The following TBL1XR1 variants were observed in gnomAD, a reference collection of about 807,000 sequenced individuals.
TBL1XR1 encodes the protein F-box-like/WD repeat-containing protein TBL1XR1.
Under a neutral mutation model 66.9 loss-of-function variants are expected in TBL1XR1, and 5 were observed. The observed-to-expected ratio is 0.07, with a 90% confidence interval of 0.04 to 0.16. TBL1XR1 has a LOEUF of 0.16. Ranked by LOEUF, TBL1XR1 falls within the 10% of genes least tolerant of loss-of-function variation. The pLI, the probability that TBL1XR1 is intolerant of heterozygous loss-of-function variation, is 1.00. For synonymous variants in TBL1XR1, 210 were observed against 206.0 expected, an observed-to-expected ratio of 1.02 and a Z score of -0.17; for missense variants, 238 against 623.2, an observed-to-expected ratio of 0.38 and a Z score of 6.58.
At chr3:177,168,098 T>C (rs927828879) in intron 1 of TBL1XR1, among the ~76,000 whole-genome samples, 4 of 152,136 alleles carry the variant, frequency 2.6e-5, no homozygotes, top group South Asian at 2.1e-4. Context: ...ATGAGATAAA[T>C]ATATAAACAA....
At chr3:177,084,480 A>C (rs1474147953) in intron 2 of TBL1XR1, among the ~76,000 whole-genome samples, 1 of 152,278 alleles carries the variant, frequency 6.6e-6, no homozygotes, top group Non-Finnish European at 1.5e-5. Flanking sequence ...TGCTGCAGAC[A>C]TCGATGCCTT....
intron 1 of TBL1XR1, among the ~76,000 whole-genome samples, chr3:177,119,666 C>T (rs1281270060): frequency 1.3e-5 from 2 of 152,180 alleles, no homozygotes; most frequent in African/African-American, 4.8e-5. Context: ...ACACCAATTA[C>T]CAATTTTGCA....
intron 1 of TBL1XR1, among the ~76,000 whole-genome samples, chr3:177,151,650 T>G (rs1730903652): frequency 6.6e-6 from 1 of 152,296 alleles, no homozygotes; most frequent in Non-Finnish European, 1.5e-5. Context: ...AGGCTGAGTG[T>G]GAAATCAGCT....
chr3:177,177,709 C>G (rs1406777070), intron 1 of TBL1XR1, among the ~76,000 whole-genome samples: 1 of 152,136 alleles, frequency 6.6e-6, no homozygotes, highest in Non-Finnish European at 1.5e-5. Context: ...TAAGGATGAA[C>G]CAATTTAAGA....
At chr3:177,129,484 A>C (rs1429546752) in intron 1 of TBL1XR1, among the ~76,000 whole-genome samples, 1 of 152,202 alleles carries the variant, frequency 6.6e-6, no homozygotes, top group Non-Finnish European at 1.5e-5. Flanking sequence ...TGCTGAGAAA[A>C]ACAAGCCATA....
At chr3:177,070,249 C>G (rs1719792870) in intron 2 of TBL1XR1, among the ~76,000 whole-genome samples, 1 of 152,158 alleles carries the variant, frequency 6.6e-6, no homozygotes, top group East Asian at 1.9e-4. Flanking sequence ...GCCTCATTGC[C>G]CACAGACATT....
chr3:177,157,593 T>C (rs997310733), intron 1 of TBL1XR1, among the ~76,000 whole-genome samples: 14 of 152,214 alleles, frequency 9.2e-5, no homozygotes, highest in African/African-American at 2.7e-4. Flanking sequence ...CTTAATCACA[T>C]GTGTAAAATG....
intron 2 of TBL1XR1, among the ~76,000 whole-genome samples, chr3:177,071,410 G>A (rs1449958196): frequency 1.3e-5 from 2 of 151,930 alleles, no homozygotes; most frequent in African/African-American, 4.8e-5. Context: ...AAGAAGATGT[G>A]GTTATTCCTT....
intron 1 of TBL1XR1, among the ~76,000 whole-genome samples, chr3:177,121,755 A>C (rs1035829044): frequency 6.6e-6 from 1 of 152,138 alleles, no homozygotes; most frequent in African/African-American, 2.4e-5. Context: ...GTTCCTTGTG[A>C]GGTTTACAGA....
At chr3:177,056,847 T>C (rs1287428722) in intron 3 of TBL1XR1, among the ~76,000 whole-genome samples, 1 of 152,174 alleles carries the variant, frequency 6.6e-6, no homozygotes, top group Non-Finnish European at 1.5e-5. Context: ...CTCATCACCT[T>C]ACCTTTTCTG....
intron 1 of TBL1XR1, among the ~76,000 whole-genome samples, chr3:177,193,780 T>A (rs1736468997): frequency 6.6e-6 from 1 of 152,148 alleles, no homozygotes; most frequent in Admixed American, 6.5e-5. Flanking sequence ...GGATCAAGAC[T>A]AACAAAACAG....
At position 177,177,550 on chromosome 3, in the gene TBL1XR1, G is replaced by GT. The variant is rs568455684; in HGVS notation, c.-122+19570dup. On this transcript the variant is annotated intron_variant, in intron 1 of 15. Coordinates refer to ENST00000457928, the MANE Select transcript of TBL1XR1 (RefSeq NM_024665.7). ...TGGTCCATCAATTATCCATTTACCC[G>GT]TTTTTTCTATTATTTGACTCGATTG... 2.2e-3 allele frequency among the ~76,000 whole-genome samples: 328 copies of GT among 152,258 alleles called. 2 individuals carry two copies. The highest frequency in any genetic ancestry group is 0.014 in the East Asian group (72 of 5,192).
rs2108863143 is a variant in TBL1XR1, at chr3:177,154,055, A to AT, written c.-122+43065dup. Among the ~76,000 whole-genome samples the AT allele has an allele frequency of 1.3e-5, 2 of 152,088 alleles. 1 individual carries two copies. Among genetic ancestry groups the AT allele is most frequent in the South Asian group, 4.1e-4 (2 of 4,824 alleles). On this transcript the variant is annotated intron_variant, in intron 1 of 15. Coordinates refer to ENST00000457928, the MANE Select transcript of TBL1XR1 (RefSeq NM_024665.7). ...ACAAATATGGTATAAATTCAACCACATTAATAATTATGTTAAATGCAAATT... is the reference window on the plus strand; with the variant it reads ...ACAAATATGGTATAAATTCAACCACATTTAATAATTATGTTAAATGCAAATT...
At chr3:177,160,102 T>C (rs943149566) in intron 1 of TBL1XR1, among the ~76,000 whole-genome samples, 1 of 152,068 alleles carries the variant, frequency 6.6e-6, no homozygotes, top group African/African-American at 2.4e-5. Flanking sequence ...ATAATAGTAC[T>C]TTCTCAAGAA....
rs758826797 is a variant in TBL1XR1 at position 177,050,580 on chromosome 3, C to T, written c.458G>A (p.Gly153Glu). The T allele has an allele frequency of 6.2e-7, 1 of 1,613,750 alleles. No individual in the cohort carries two copies. Among genetic ancestry groups the T allele is most frequent in the Non-Finnish European group, 8.5e-7 (1 of 1,179,798 alleles). The change falls in exon 6 of 16, where the codon GGG becomes GAG. Residue 153 changes from glycine to glutamate, a missense_variant. By Grantham distance (98) the Gly-to-Glu change is moderately conservative. This residue lies in a region of TBL1XR1 where 80 missense variants were observed against 100.5 expected (regional missense o/e 0.80). Coordinates refer to ENST00000457928, the MANE Select transcript of TBL1XR1 (RefSeq NM_024665.7). Reference sequence around the variant, plus strand: ...TTTATTAGGAGGGATTTCAACATCCCCATCCACTTCCATCATATCAGTATG... The same window carrying T: ...TTTATTAGGAGGGATTTCAACATCCTCATCCACTTCCATCATATCAGTATG... ...NNHTDMMEVDGDVEIPPNKAV... is the reference protein window; with the variant it reads ...NNHTDMMEVDEDVEIPPNKAV...
intron 2 of TBL1XR1, among the ~76,000 whole-genome samples, chr3:177,091,818 T>C (rs1722876064): frequency 6.6e-6 from 1 of 152,208 alleles, no homozygotes; most frequent in Admixed American, 6.5e-5. Flanking sequence ...TTCATATGCC[T>C]TTCCTGTGCA....
chr3:177,036,264 T>C (rs1411015843), intron 12 of TBL1XR1, among the ~76,000 whole-genome samples: 1 of 152,170 alleles, frequency 6.6e-6, no homozygotes, highest in Non-Finnish European at 1.5e-5. Flanking sequence ...AAAGACCACC[T>C]ATCTGCTGAG....
chr3:177,047,217 T>C (rs145962144), intron 9 of TBL1XR1, 83 bp downstream of exon 9: 2 of 1,119,646 alleles, frequency 1.8e-6, no homozygotes, highest in Non-Finnish European at 2.5e-6. Flanking sequence ...GGAATGTTTA[T>C]GTAATTGGCA....
rs543490720 is a variant in TBL1XR1 at position 177,095,150 on chromosome 3, T to C, written c.-46+3316A>G. ...CAAATAGTATATGGTGCTACCTATA[T>C]GAGGTATCTAGCAAACTCAGAAACA... On this transcript the variant is annotated intron_variant, in intron 2 of 15. Coordinates refer to ENST00000457928, the MANE Select transcript of TBL1XR1 (RefSeq NM_024665.7). Among the ~76,000 whole-genome samples, 21 of 152,158 alleles carry C rather than the reference T, an allele frequency of 1.4e-4. No individual in the cohort carries two copies. In the South Asian group the frequency reaches 3.5e-3, roughly 26 times the overall value.
Sources: allele counts gnomAD v4.1 joint callset (sites outside exome capture counted in the v4.1 genomes callset), GRCh38; gene constraint gnomAD v4.1.1; regional missense constraint gnomAD v4.1.1; transcripts MANE v1.5; gene names NCBI Gene and HGNC (gene_info 2026-07-23, HGNC 2026-07-21).